GRAMD1B: variants seen among roughly 807,000 people sequenced by gnomAD.
The protein encoded by GRAMD1B is protein Aster-B.
Under a neutral mutation model 99.7 loss-of-function variants are expected in GRAMD1B, and 37 were observed. The ratio of observed to expected loss-of-function variants is 0.37; its 90% CI spans 0.29 to 0.49. The LOEUF is 0.49. GRAMD1B is among the 20% of genes least tolerant of loss of function. The pLI, the probability that GRAMD1B is intolerant of heterozygous loss-of-function variation, is 0.98. For synonymous variants in GRAMD1B, 427 were observed against 387.6 expected (o/e 1.10, Z -1.19); for missense variants, 888 against 1,009.2 (o/e 0.88, Z 1.63).
At chr11:123,518,870 T>C (rs558843954) in intron 2 of GRAMD1B, among the ~76,000 whole-genome samples, 7 of 152,340 alleles carry the variant, frequency 4.6e-5, no homozygotes, top group South Asian at 2.1e-4. Context: ...TCCTGTTTAT[T>C]GCCTGAAGGA....
intron 4 of GRAMD1B, among the ~76,000 whole-genome samples, chr11:123,588,632 C>T (rs117738581): frequency 0.018 from 2,780 of 152,212 alleles, 36 homozygotes; most frequent in Non-Finnish European, 0.028. Flanking sequence ...CCACGCTGCT[C>T]GGGATAGGGC....
intron 1 of GRAMD1B, among the ~76,000 whole-genome samples, chr11:123,438,202 C>A (rs190804498): frequency 2.0e-5 from 3 of 152,244 alleles, no homozygotes; most frequent in East Asian, 1.9e-4. Flanking sequence ...ATGCCTCGGT[C>A]CCCCCAGGCA....
intron 4 of GRAMD1B, among the ~76,000 whole-genome samples, 189 bp downstream of exon 4, chr11:123,584,521 T>C (rs1949867816): frequency 1.3e-5 from 1 of 79,650 alleles, no homozygotes; most frequent in African/African-American, 4.9e-5. Flanking sequence ...GGAGGGAGGA[T>C]TGCATTCAGG....
intron 7 of GRAMD1B, chr11:123,598,162 T>C: frequency 1.3e-6 from 2 of 1,549,040 alleles, no homozygotes; most frequent in Non-Finnish European, 1.8e-6. Context: ...GCCATGAGCA[T>C]GATGCCATTC....
At chr11:123,369,052 T>C (rs776594026) in intron 1 of GRAMD1B, among the ~76,000 whole-genome samples, 4 of 152,180 alleles carry the variant, frequency 2.6e-5, no homozygotes, top group Non-Finnish European at 4.4e-5. Flanking sequence ...CCCAGCACTT[T>C]GGGAAGCCAA....
At position 123,457,445 on chromosome 11, in the gene GRAMD1B, C is replaced by G. The variant is rs1439531236; in HGVS notation, c.375-23371C>G. On this transcript the variant is annotated intron_variant, in intron 1 of 19. Transcript: ENST00000635736. ...GCCAGCAACTCCCTTCTTTCTCAAT[C>G]TTTGTGTCTTCCACTTAGCCTTCAA... 2.0e-5 allele frequency among the ~76,000 whole-genome samples: 3 copies of G among 152,190 alleles called. 1 individual carries two copies. The highest frequency in any genetic ancestry group is 1.3e-4 in the Admixed American group (2 of 15,284).
chr11:123,386,597 C>G (rs1289989657), intron 1 of GRAMD1B, among the ~76,000 whole-genome samples: 1 of 152,076 alleles, frequency 6.6e-6, no homozygotes, highest in Admixed American at 6.6e-5. Context: ...GCCACCACAC[C>G]CAGCTAATTT....
intron 1 of GRAMD1B, among the ~76,000 whole-genome samples, chr11:123,416,836 T>C (rs1948246906): frequency 6.6e-6 from 1 of 152,268 alleles, no homozygotes; most frequent in African/African-American, 2.4e-5. Flanking sequence ...AAGTGCTTTA[T>C]GTGTATTATC....
intron 1 of GRAMD1B, among the ~76,000 whole-genome samples, chr11:123,407,272 T>TG (rs1307452991): frequency 6.6e-5 from 10 of 151,518 alleles, no homozygotes; most frequent in South Asian, 2.1e-4. Flanking sequence ...CTTTGAATTT[T>TG]TTTTTTTTCC....
intron 2 of GRAMD1B, among the ~76,000 whole-genome samples, chr11:123,568,448 T>C (rs1167594561): frequency 6.6e-6 from 1 of 152,228 alleles, no homozygotes; most frequent in Admixed American, 6.5e-5. Context: ...CTTGTACACT[T>C]CACCCAAGAT....
intron 1 of GRAMD1B, chr11:123,435,648 A>G (rs899094378): frequency 2.0e-5 from 10 of 496,410 alleles, no homozygotes; most frequent in Admixed American, 3.5e-5. Context: ...ACAGTGATCT[A>G]TAGATCTATA....
At chr11:123,383,933 C>A (rs554721257) in intron 1 of GRAMD1B, among the ~76,000 whole-genome samples, 1 of 151,966 alleles carries the variant, frequency 6.6e-6, no homozygotes, top group Non-Finnish European at 1.5e-5. Context: ...TGCAGTGACG[C>A]GATCTCAGCT....
At chr11:123,590,785 G>T (rs890978010) in intron 4 of GRAMD1B, among the ~76,000 whole-genome samples, 21 of 152,202 alleles carry the variant, frequency 1.4e-4, no homozygotes, top group African/African-American at 4.8e-4. Context: ...CCCGCCCAGG[G>T]TAGAGGTTGA....
intron 2 of GRAMD1B, among the ~76,000 whole-genome samples, chr11:123,541,495 TATTA>T (rs1203887573): frequency 1.3e-5 from 2 of 152,222 alleles, no homozygotes; most frequent in African/African-American, 4.8e-5. Flanking sequence ...GGTAACATGT[TATTA>T]ATTTTCATAT....
chr11:123,566,624 C>T (rs371996053), intron 2 of GRAMD1B, among the ~76,000 whole-genome samples: 3 of 152,094 alleles, frequency 2.0e-5, no homozygotes, highest in African/African-American at 4.8e-5. Context: ...AAATTAGCCA[C>T]GCGTGGTGGC....
intron 3 of GRAMD1B, among the ~76,000 whole-genome samples, chr11:123,583,404 G>A (rs199906968): frequency 2.5e-5 from 3 of 117,708 alleles, no homozygotes; most frequent in Admixed American, 1.7e-4. Context: ...GCGTGTGTGT[G>A]TGTGTCTGTG....
intron 17 of GRAMD1B, among the ~76,000 whole-genome samples, chr11:123,615,120 G>A (rs1367610739): frequency 1.3e-5 from 2 of 152,206 alleles, no homozygotes; most frequent in African/African-American, 4.8e-5. Flanking sequence ...GGGTGAGAGA[G>A]ACAGAACATT....
intron 2 of GRAMD1B, among the ~76,000 whole-genome samples, chr11:123,481,409 G>T (rs373956290): frequency 6.6e-6 from 1 of 152,262 alleles, no homozygotes; most frequent in South Asian, 2.1e-4. Flanking sequence ...AGCCAAGATC[G>T]CGCTACTGCA....
At chr11:123,417,313 C>T (rs991814256) in intron 1 of GRAMD1B, among the ~76,000 whole-genome samples, 3 of 152,080 alleles carry the variant, frequency 2.0e-5, no homozygotes, top group African/African-American at 7.2e-5. Flanking sequence ...GCAGAGGTTG[C>T]GGTGAGCTGA....
Sources: gnomAD v4.1 joint callset for allele counts (sites outside exome capture counted in the v4.1 genomes callset) on GRCh38, gnomAD v4.1.1 for gene constraint, MANE v1.5 for transcripts, NCBI Gene and HGNC (gene_info 2026-07-23, HGNC 2026-07-21) for gene names.